The following ABCA1 variants were observed in gnomAD, a reference collection of about 807,000 sequenced individuals.
ABCA1 encodes phospholipid-transporting ATPase ABCA1.
Under a neutral mutation model 262.5 loss-of-function variants are expected in ABCA1, and 133 were observed. The ratio of observed to expected loss-of-function variants is 0.51; its 90% CI spans 0.44 to 0.59. ABCA1 has a LOEUF of 0.59. Ranked by LOEUF, ABCA1 falls within the 20% of genes least tolerant of loss-of-function variation. The pLI is 0.00. For synonymous variants in ABCA1, 1,022 were observed against 1,043.5 expected (o/e 0.98, Z 0.40); for missense variants, 2,452 against 2,777.5 (o/e 0.88, Z 2.63).
intron 47 of ABCA1, 35 bp downstream of exon 47, chr9:104,786,838 T>C: frequency 1.9e-6 from 3 of 1,557,832 alleles, no homozygotes; most frequent in African/African-American, 2.7e-5. Flanking sequence ...AGTTAAAACA[T>C]CCCACAGTGA....
At chr9:104,786,214 T>C (rs1291871570) in intron 48 of ABCA1, 84 bp downstream of exon 48, 1 of 1,166,898 alleles carries the variant, frequency 8.6e-7, no homozygotes, top group East Asian at 2.3e-5. Flanking sequence ...CCCTTTATGT[T>C]AGAGGCACCA....
rs1489279774 is a variant in ABCA1 at position 104,810,707 on chromosome 9, C to T, written c.4175+93G>A. ...GCCGCAGCAGTAAAATTCATTCCAC[C>T]GTGTAATTCTGAAGTCCATTCCCTT... On this transcript the variant is annotated intron_variant, in intron 29 of 49. Coordinates refer to ENST00000374736, the MANE Select transcript of ABCA1 (RefSeq NM_005502.4). 1.8e-5 allele frequency: 28 copies of T among 1,590,952 alleles called. No homozygotes were observed. In the East Asian group the frequency reaches 3.4e-4, roughly 19 times the overall value.
intron 22 of ABCA1, 54 bp from the exon 23 acceptor site, chr9:104,818,937 T>C: frequency 1.3e-6 from 2 of 1,496,246 alleles, no homozygotes; most frequent in South Asian, 2.4e-5. Flanking sequence ...CAGTTCTGAT[T>C]TGTCACAGTG....
intron 1 of ABCA1, among the ~76,000 whole-genome samples, chr9:104,910,910 T>C (rs1465290956): frequency 6.6e-6 from 1 of 152,102 alleles, no homozygotes; most frequent in African/African-American, 2.4e-5. Flanking sequence ...TTTCAACATG[T>C]TGGCCAGGCT....
At chr9:104,926,803 C>T (rs1316711702) in intron 1 of ABCA1, among the ~76,000 whole-genome samples, 1 of 152,214 alleles carries the variant, frequency 6.6e-6, no homozygotes, top group Non-Finnish European at 1.5e-5. Flanking sequence ...AGAAGCTGCC[C>T]CGAGAGACCA....
At chr9:104,916,276 C>T (rs1841834752) in intron 1 of ABCA1, among the ~76,000 whole-genome samples, 1 of 152,168 alleles carries the variant, frequency 6.6e-6, no homozygotes. Flanking sequence ...GGGTTTCAGG[C>T]TTTTGCATAA....
At position 104,837,328 on chromosome 9, in the gene ABCA1, G is replaced by T. The variant is rs754666668; in HGVS notation, c.1194+100C>A. On this transcript the variant is annotated intron_variant, in intron 10 of 49. Coordinates refer to ENST00000374736, the MANE Select transcript of ABCA1 (RefSeq NM_005502.4). ...TCACTCTGGGAATTCCAGAAGAGCCGTGAGTATACTTAGCGCACACCTCTG... is the reference window on the plus strand; with the variant it reads ...TCACTCTGGGAATTCCAGAAGAGCCTTGAGTATACTTAGCGCACACCTCTG... 11 of 1,501,340 alleles carry T rather than the reference G, an allele frequency of 7.3e-6. No individual in the cohort carries two copies. In the South Asian group the frequency reaches 1.3e-4, roughly 18 times the overall value. 93.0% of individuals were successfully genotyped at this position (1,501,340 alleles called of 1,614,324 possible).
rs1360343029 is a variant in ABCA1, at chr9:104,903,632, A to C, written c.48T>G (p.Thr16=). The change falls in exon 2 of 50, where the codon ACT becomes ACG. Residue 16 remains threonine (T), a synonymous_variant. Coordinates refer to ENST00000374736, the MANE Select transcript of ABCA1 (RefSeq NM_005502.4). ...AGCTTACTGTTTGTCTTCTTCTGAA[A>C]GTGAGGTTCTTCCACAGCAGCAACC... The part of the protein sequence containing the change: ...QLRLLLWKNL[T]FRRRQTCQLL... 2 of 1,589,914 alleles carry C rather than the reference A, an allele frequency of 1.3e-6. No homozygotes were observed. The highest frequency in any genetic ancestry group is 2.3e-5 in the South Asian group (2 of 87,346).
intron 7 of ABCA1, among the ~76,000 whole-genome samples, chr9:104,845,826 T>G (rs746015806): frequency 5.3e-5 from 8 of 152,210 alleles, no homozygotes; most frequent in Non-Finnish European, 7.3e-5. Context: ...ATGCAATAGA[T>G]TAAAAGGATC....
intron 7 of ABCA1, among the ~76,000 whole-genome samples, chr9:104,856,519 C>T (rs565896711): frequency 2.6e-5 from 4 of 152,320 alleles, no homozygotes; most frequent in East Asian, 3.9e-4. Context: ...TTTCCCTGCA[C>T]TCTGTCACGC....
intron 30 of ABCA1, 42 bp from the exon 31 acceptor site, chr9:104,806,472 C>T: frequency 6.2e-7 from 1 of 1,606,156 alleles, no homozygotes. Context: ...CCAGAGATGG[C>T]CTGGCCTTTC....
chr9:104,786,222 C>G (rs1209463564), intron 48 of ABCA1, 76 bp downstream of exon 48: 13 of 1,213,646 alleles, frequency 1.1e-5, no homozygotes, highest in Non-Finnish European at 1.6e-5. Flanking sequence ...GTTAGAGGCA[C>G]CATTTATATA....
intron 11 of ABCA1, among the ~76,000 whole-genome samples, chr9:104,835,821 G>A (rs138513193): frequency 3.3e-5 from 5 of 152,292 alleles, no homozygotes; most frequent in African/African-American, 1.2e-4. Context: ...AAGAATTGAA[G>A]CACCTAAGGC....
At chr9:104,862,413 T>TTTG (rs3842219) in intron 5 of ABCA1, among the ~76,000 whole-genome samples, 36,698 of 151,704 alleles carry the variant, frequency 0.24, 5,623 homozygotes, top group African/African-American at 0.42. Context: ...CCGGTCTTTC[T>TTTG]CTTCTAAATG....
At chr9:104,836,531 T>C (rs1361319211) in intron 11 of ABCA1, among the ~76,000 whole-genome samples, 1 of 152,160 alleles carries the variant, frequency 6.6e-6, no homozygotes, top group Non-Finnish European at 1.5e-5. Flanking sequence ...CTCCACACAG[T>C]AACAGCAGCT....
At chr9:104,785,319 T>C in intron 49 of ABCA1, 77 bp downstream of exon 49, 2 of 1,583,710 alleles carry the variant, frequency 1.3e-6, no homozygotes, top group South Asian at 2.2e-5. Flanking sequence ...CAAACTGCTC[T>C]TGGACCTATG....
intron 5 of ABCA1, among the ~76,000 whole-genome samples, chr9:104,871,067 G>A (rs1564214959): frequency 1.3e-5 from 2 of 152,214 alleles, no homozygotes; most frequent in Non-Finnish European, 1.5e-5. Context: ...CAGGGGATGC[G>A]ATGGCTTGGC....
chr9:104,793,043 T>C, intron 41 of ABCA1, 128 bp downstream of exon 41: 1 of 1,579,630 alleles, frequency 6.3e-7, no homozygotes, highest in Non-Finnish European at 8.7e-7. Context: ...GATGCCCACA[T>C]CAGGAAAATC....
At chr9:104,820,128 C>G (rs961458999) in intron 20 of ABCA1, 59 bp from the exon 21 acceptor site, 1 of 1,606,278 alleles carries the variant, frequency 6.2e-7, no homozygotes, top group South Asian at 1.1e-5. Context: ...AATACAGTGT[C>G]CCCTGGCCCA....
Sources: gnomAD v4.1 joint callset for allele counts (sites outside exome capture counted in the v4.1 genomes callset) on GRCh38, gnomAD v4.1.1 for gene constraint, MANE v1.5 for transcripts, NCBI Gene and HGNC (gene_info 2026-07-23, HGNC 2026-07-21) for gene names.